Variants in NAPA observed in about 807,000 individuals in gnomAD.
The protein encoded by NAPA is alpha-soluble NSF attachment protein.
In NAPA, 18 loss-of-function variants were observed where a neutral mutation model predicts 48.0. The ratio of observed to expected loss-of-function variants is 0.38; its 90% CI spans 0.26 to 0.56. NAPA has a LOEUF of 0.56. NAPA is among the 20% of genes least tolerant of loss of function. The probability of loss-of-function intolerance (pLI) is 0.77; values close to 1 mark genes in which losing one functional copy is unlikely to be tolerated. For synonymous variants in NAPA, 152 were observed against 149.9 expected, an observed-to-expected ratio of 1.01 and a Z score of -0.10; for missense variants, 315 against 385.0, an observed-to-expected ratio of 0.82 and a Z score of 1.52.
intron 4 of NAPA, chr19:47,495,348 C>T (rs558488049): frequency 2.6e-4 from 164 of 626,866 alleles, no homozygotes; most frequent in East Asian, 6.9e-4. Context: ...GTGAGGGGGC[C>T]GTCAGGCTGG....
intron 1 of NAPA, chr19:47,505,377 C>T (rs1375036768): frequency 6.6e-6 from 1 of 152,188 alleles, no homozygotes; most frequent in African/African-American, 2.4e-5. Flanking sequence ...TGGAGGGGCT[C>T]AAAGGTAATT....
intron 2 of NAPA, 90 bp from the exon 3 acceptor site, chr19:47,500,839 C>T: frequency 2.0e-6 from 2 of 1,016,170 alleles, no homozygotes; most frequent in Non-Finnish European, 2.8e-6. Context: ...GTGGGTCGGG[C>T]TCTCGAGAAT....
chr19:47,491,952 C>T lies in NAPA; in HGVS notation c.666+63G>A, dbSNP rs1210648539. 2.7e-6 allele frequency: 4 copies of T among 1,476,348 alleles called. No individual in the cohort carries two copies. The Admixed American group carries it at 6.8e-5, about 25-fold the overall frequency. 91.5% of individuals were successfully genotyped at this position (1,476,348 alleles called of 1,614,324 possible). A position where few individuals can be genotyped will look rare whatever the true frequency, so the allele number is the denominator to read the frequency against. Reference sequence around the variant, plus strand: ...CGTCCCTCTTCGGGGGCAACGGGACCTGGCCTGGAGATAAGCACATGGTGG... The same window carrying T: ...CGTCCCTCTTCGGGGGCAACGGGACTTGGCCTGGAGATAAGCACATGGTGG... On this transcript the variant is annotated intron_variant, in intron 8 of 10. Coordinates refer to ENST00000263354, the MANE Select transcript of NAPA (RefSeq NM_003827.4).
At chr19:47,490,879 G>A (rs1968248050) in intron 8 of NAPA, 23 bp from the exon 9 acceptor site, 1 of 1,610,166 alleles carries the variant, frequency 6.2e-7, no homozygotes, top group Non-Finnish European at 8.5e-7. Context: ...GAAGGGAGAA[G>A]ATGAGTTAGT....
chr19:47,508,495 G>A (rs1968738363), intron 1 of NAPA, among the ~76,000 whole-genome samples: 1 of 152,200 alleles, frequency 6.6e-6, no homozygotes, highest in South Asian at 2.1e-4. Flanking sequence ...AAAGAATAAA[G>A]TGTCACAGGC....
downstream of NAPA, among the ~76,000 whole-genome samples, chr19:47,484,706 A>AT (rs35425298): frequency 0.049 from 6,388 of 129,122 alleles, 331 homozygotes; most frequent in African/African-American, 0.12. Flanking sequence ...ACAGTTCACT[A>AT]TTTTTTTTTT....
intron 1 of NAPA, among the ~76,000 whole-genome samples, chr19:47,509,031 G>A (rs1968749705): frequency 2.0e-5 from 3 of 151,896 alleles, no homozygotes; most frequent in Admixed American, 6.6e-5. Context: ...AGCTATGATC[G>A]CGCCACTGCC....
intron 1 of NAPA, among the ~76,000 whole-genome samples, chr19:47,507,603 T>C (rs1599917195): frequency 2.6e-5 from 4 of 152,192 alleles, no homozygotes; most frequent in African/African-American, 7.2e-5. Context: ...TAAGGCCCAC[T>C]GCCCCAAGTC....
chr19:47,504,963 T>C (rs1968665745), intron 1 of NAPA, among the ~76,000 whole-genome samples: 1 of 152,200 alleles, frequency 6.6e-6, no homozygotes, highest in African/African-American at 2.4e-5. Flanking sequence ...GGGTACCCTG[T>C]TTGGGCAGCT....
chr19:47,500,835 C>G (rs1185863759), intron 2 of NAPA, 86 bp from the exon 3 acceptor site: 3 of 1,073,788 alleles, frequency 2.8e-6, no homozygotes, highest in Non-Finnish European at 4.0e-6. Context: ...GGAGGTGGGT[C>G]GGGCTCTCGA....
Position 47,504,664 on chromosome 19 carries a change from CAT to C in NAPA, c.99-1164_99-1163del, listed in dbSNP as rs1057080430. Among the ~76,000 whole-genome samples, 7 of 151,546 alleles carry C rather than the reference CAT, an allele frequency of 4.6e-5. No homozygotes were observed. In the East Asian group the frequency reaches 1.2e-3, roughly 25 times the overall value. On this transcript the variant is annotated intron_variant, in intron 1 of 10. Coordinates refer to ENST00000263354, the MANE Select transcript of NAPA (RefSeq NM_003827.4). ...ATATACATATATACACACACGTGTACATATATACACATGTGTATATATGTGTA... is the reference window on the plus strand; with the variant it reads ...ATATACATATATACACACACGTGTACATATACACATGTGTATATATGTGTA...
chr19:47,493,258 G>A lies in NAPA; in HGVS notation c.421-84C>T, dbSNP rs1485806598. 2.7e-6 allele frequency: 4 copies of A among 1,500,090 alleles called. No individual in the cohort carries two copies. The highest frequency in any genetic ancestry group is 3.6e-6 in the Non-Finnish European group (4 of 1,097,680). 92.9% of individuals were successfully genotyped at this position (1,500,090 alleles called of 1,614,324 possible). ...GTGAAGCTTCCACACCCTCCGCCCT[G>A]CCTGCCTGGGACACAGCCAGACCCC... On this transcript the variant is annotated intron_variant, in intron 5 of 10. Coordinates refer to ENST00000263354, the MANE Select transcript of NAPA (RefSeq NM_003827.4). This position sits in a 1 kb window ranked among gnomAD's most constrained non-coding sequence, Gnocchi z 6.4.
Position 47,514,825 on chromosome 19 carries a change from C to G in NAPA, c.98+18G>C. The G allele has an allele frequency of 1.2e-6, 2 of 1,611,228 alleles. No homozygotes were observed. Among genetic ancestry groups the G allele is most frequent in the Non-Finnish European group, 1.7e-6 (2 of 1,177,878 alleles). On this transcript the variant is annotated intron_variant, in intron 1 of 10. Transcript: ENST00000263354. ...CTCTCAGCCTAGGTCCCGGCCGACCCCTCAGCCCGGTTCTCACCCAAAGAG... is the reference window on the plus strand; with the variant it reads ...CTCTCAGCCTAGGTCCCGGCCGACCGCTCAGCCCGGTTCTCACCCAAAGAG...
At chr19:47,502,481 A>G (rs1279910045) in intron 2 of NAPA, among the ~76,000 whole-genome samples, 3 of 152,154 alleles carry the variant, frequency 2.0e-5, no homozygotes, top group African/African-American at 2.4e-5. Context: ...AAACTCAGGA[A>G]TAACTCTTTG....
intron 1 of NAPA, among the ~76,000 whole-genome samples, chr19:47,504,800 A>G (rs1450199051): frequency 6.6e-6 from 1 of 152,144 alleles, no homozygotes; most frequent in Non-Finnish European, 1.5e-5. Flanking sequence ...CCAGCAATGA[A>G]TTACATCTCT....
At position 47,506,544 on chromosome 19, in the gene NAPA, ACT is replaced by A. The variant is rs1968696890; in HGVS notation, c.99-3044_99-3043del. Reference sequence around the variant, plus strand: ...GACTAAGTCCTATCCAGCTCCATGCACTCTCTGAAAAAGCACAGACCCTGGAT... The same window carrying A: ...GACTAAGTCCTATCCAGCTCCATGCACTCTGAAAAAGCACAGACCCTGGAT... On this transcript the variant is annotated intron_variant, in intron 1 of 10. Transcript: ENST00000263354. This position sits in a 1 kb window ranked among gnomAD's most constrained non-coding sequence, Gnocchi z 4.0. Among the ~76,000 whole-genome samples the A allele has an allele frequency of 6.6e-6, 1 of 152,068 alleles. No individual in the cohort carries two copies. Among genetic ancestry groups the A allele is most frequent in the Non-Finnish European group, 1.5e-5 (1 of 68,020 alleles).
intron 1 of NAPA, among the ~76,000 whole-genome samples, chr19:47,513,894 G>C (rs1379541259): frequency 2.3e-5 from 3 of 128,682 alleles, no homozygotes; most frequent in African/African-American, 8.9e-5. Context: ...CTGTCCCCCA[G>C]GCTGTAGTGC....
In NAPA at chr19:47,487,754, A is replaced by G. The variant is rs1328794010; in HGVS notation, c.*534T>C. 6.6e-6 allele frequency: 1 copy of G among 152,160 alleles called. No homozygotes were observed. The highest frequency in any genetic ancestry group is 1.5e-5 in the Non-Finnish European group (1 of 68,086). 9.4% of individuals were successfully genotyped at this position (152,160 alleles called of 1,614,324 possible). A position where few individuals can be genotyped will look rare whatever the true frequency, so the allele number is the denominator to read the frequency against. On this transcript the variant is annotated 3_prime_UTR_variant, in exon 11 of 11. Coordinates refer to ENST00000263354, the MANE Select transcript of NAPA (RefSeq NM_003827.4). ...GGGGCTGGGGTGGGGAGAATCCCCT[A>G]AGCTCCAGGGCCCAGGGTCTAACCT...
intron 10 of NAPA, chr19:47,489,260 G>A (rs189693191): frequency 2.6e-3 from 451 of 173,602 alleles, no homozygotes; most frequent in Non-Finnish European, 3.4e-3. Context: ...AGAGAGCCGC[G>A]TGGGCGGCTC....
Sources: allele counts gnomAD v4.1 joint callset (sites outside exome capture counted in the v4.1 genomes callset), GRCh38; gene constraint gnomAD v4.1.1; non-coding constraint Gnocchi (gnomAD v3.1); transcripts MANE v1.5; gene names NCBI Gene and HGNC (gene_info 2026-07-23, HGNC 2026-07-21).